Variants in CERT1 observed in about 807,000 individuals in gnomAD.
CERT1 encodes ceramide transporter 1.
Under a neutral mutation model 87.9 loss-of-function variants are expected in CERT1, and 31 were observed. That is an observed-to-expected ratio of 0.35 (90% confidence interval 0.27 to 0.48). The LOEUF (loss-of-function observed/expected upper bound fraction) is 0.48. CERT1 is among the 20% of genes least tolerant of loss of function. CERT1 has a pLI of 0.99. For synonymous variants in CERT1, 289 were observed against 250.9 expected, an observed-to-expected ratio of 1.15 and a Z score of -1.44; for missense variants, 487 against 758.0, an observed-to-expected ratio of 0.64 and a Z score of 4.20.
chr5:75,436,591 G>C (rs1451891198), intron 3 of CERT1, among the ~76,000 whole-genome samples: 3 of 152,040 alleles, frequency 2.0e-5, no homozygotes, highest in East Asian at 3.9e-4. Context: ...CTCTGTAACA[G>C]ATGAAAATAT....
upstream of CERT1, chr5:75,511,797 A>G (rs1768025929): frequency 1.3e-6 from 2 of 1,551,486 alleles, no homozygotes; most frequent in African/African-American, 1.4e-5. Context: ...GAAAAGCAGG[A>G]GGAGCGGAGA....
intron 3 of CERT1, among the ~76,000 whole-genome samples, chr5:75,434,791 T>G (rs1373859223): frequency 6.6e-6 from 1 of 152,150 alleles, no homozygotes; most frequent in East Asian, 1.9e-4. Flanking sequence ...CAGAGGTTTT[T>G]AATCTCTGAG....
chr5:75,474,667 A>G (rs1765878227), intron 2 of CERT1, among the ~76,000 whole-genome samples: 1 of 152,118 alleles, frequency 6.6e-6, no homozygotes, highest in African/African-American at 2.4e-5. Flanking sequence ...TCGTGTTAGG[A>G]AAACTGGATA....
chr5:75,383,963 CTTAAA>C (rs1030818259), intron 14 of CERT1, among the ~76,000 whole-genome samples: 13 of 152,130 alleles, frequency 8.5e-5, no homozygotes, highest in African/African-American at 1.4e-4. Context: ...AGGGAGCTAA[CTTAAA>C]TTATGTTTCT....
chr5:75,497,106 G>C (rs1368422521), intron 2 of CERT1, among the ~76,000 whole-genome samples: 3 of 152,108 alleles, frequency 2.0e-5, no homozygotes, highest in Non-Finnish European at 2.9e-5. Context: ...TTTTAGGTTG[G>C]TAAATAGAAC....
At chr5:75,371,791 G>C (rs1761093684) in intron 17 of CERT1, 1 of 152,104 alleles carries the variant, frequency 6.6e-6, no homozygotes, top group Non-Finnish European at 1.5e-5. Flanking sequence ...CTTTTAGTTT[G>C]GGGGAAGACA....
At chr5:75,379,522 C>T (rs1214489543) in intron 16 of CERT1, 49 bp from the exon 17 acceptor site, 1 of 1,534,574 alleles carries the variant, frequency 6.5e-7, no homozygotes, top group Non-Finnish European at 8.9e-7. Context: ...ATTCTCCAAA[C>T]ATATGTGAAG....
At chr5:75,430,073 C>A (rs960861803) in intron 3 of CERT1, among the ~76,000 whole-genome samples, 3 of 151,582 alleles carry the variant, frequency 2.0e-5, no homozygotes, top group Non-Finnish European at 4.4e-5. Flanking sequence ...GAATCTGTAA[C>A]CAAAGTAACA....
In CERT1 at chr5:75,379,395, A is replaced by T; in HGVS notation, c.1826T>A (p.Phe609Tyr). ...AGTTTTTTCTTGGACGTAAGAAGTAAAACGTTTTAGAAATTTAGGATACTC... is the reference window on the plus strand; with the variant it reads ...AGTTTTTTCTTGGACGTAAGAAGTATAACGTTTTAGAAATTTAGGATACTC... The part of the protein sequence containing the change: ...KREYPKFLKR[F>Y]TSYVQEKTAG... The change falls in exon 17 of 17, where the codon TTT (phenylalanine) becomes TAT (tyrosine). Residue 609 changes from phenylalanine (F) to tyrosine (Y), a missense_variant. By Grantham distance (22) the Phe-to-Tyr change is conservative (BLOSUM62 3). This residue lies in a region of CERT1 where 33 missense variants were observed against 64.4 expected (regional missense o/e 0.51). Transcript: ENST00000643780. The T allele has an allele frequency of 6.2e-7, 1 of 1,613,938 alleles. No homozygotes were observed. The highest frequency in any genetic ancestry group is 8.5e-7 in the Non-Finnish European group (1 of 1,179,854).
At chr5:75,395,073 T>G (rs1266469897) in intron 11 of CERT1, among the ~76,000 whole-genome samples, 1 of 152,010 alleles carries the variant, frequency 6.6e-6, no homozygotes, top group Non-Finnish European at 1.5e-5. Context: ...GGACAAAGGG[T>G]GGGAAAGAGC....
intron 2 of CERT1, among the ~76,000 whole-genome samples, chr5:75,472,234 T>C (rs1177531368): frequency 3.3e-5 from 5 of 152,140 alleles, no homozygotes; most frequent in African/African-American, 1.2e-4. Flanking sequence ...TGCAGAAGAA[T>C]GAAATTAAAT....
intron 8 of CERT1, among the ~76,000 whole-genome samples, chr5:75,404,230 T>C (rs1762613692): frequency 6.6e-6 from 1 of 151,200 alleles, no homozygotes; most frequent in Non-Finnish European, 1.5e-5. Flanking sequence ...ATAAGAAATG[T>C]TGACTTAATG....
At chr5:75,398,382 T>C (rs867847634) in intron 11 of CERT1, among the ~76,000 whole-genome samples, 4 of 152,332 alleles carry the variant, frequency 2.6e-5, no homozygotes, top group Middle Eastern at 3.4e-3. Flanking sequence ...GTAACATTTA[T>C]TGAGCACTTA....
chr5:75,446,980 TAAG>T (rs1764567969), intron 3 of CERT1, among the ~76,000 whole-genome samples: 3 of 152,344 alleles, frequency 2.0e-5, no homozygotes, highest in African/African-American at 7.2e-5. Context: ...ACCTCTGTGA[TAAG>T]AAGCCATAAC....
chr5:75,440,778 A>T (rs1454429550), intron 3 of CERT1, among the ~76,000 whole-genome samples: 1 of 152,044 alleles, frequency 6.6e-6, no homozygotes, highest in Non-Finnish European at 1.5e-5. Flanking sequence ...TCCAAAGTAA[A>T]AAAAAATGCC....
intron 2 of CERT1, among the ~76,000 whole-genome samples, chr5:75,499,353 A>C (rs974709767): frequency 6.6e-6 from 1 of 152,312 alleles, no homozygotes; most frequent in Admixed American, 6.5e-5. Flanking sequence ...CCCAAATCTC[A>C]TCTTGAATTG....
Position 75,511,475 on chromosome 5 carries a change from G to A in CERT1, c.-268C>T, listed in dbSNP as rs934873582. ...CCGCCGTCGCCGTGACCCCTGCGTT[G>A]CGCCCGGCGCTGCCACCCGAACTTA... On this transcript the variant is annotated 5_prime_UTR_variant, in exon 1 of 17. Coordinates refer to ENST00000643780, the MANE Select transcript of CERT1 (RefSeq NM_001379029.1). 4.6e-6 allele frequency: 7 copies of A among 1,508,384 alleles called. No individual in the cohort carries two copies. In the African/African-American group the frequency reaches 9.8e-5, roughly 21 times the overall value. 93.4% of individuals were successfully genotyped at this position (1,508,384 alleles called of 1,614,324 possible). A position where few individuals can be genotyped will look rare whatever the true frequency, so the allele number is the denominator to read the frequency against.
At chr5:75,441,778 G>A (rs564384457) in intron 3 of CERT1, among the ~76,000 whole-genome samples, 1 of 152,256 alleles carries the variant, frequency 6.6e-6, no homozygotes, top group African/African-American at 2.4e-5. Flanking sequence ...TCCATTGAAT[G>A]GATATACCAC....
intron 2 of CERT1, among the ~76,000 whole-genome samples, chr5:75,479,621 ACT>A (rs1206407063): frequency 6.6e-6 from 1 of 151,432 alleles, no homozygotes; most frequent in Non-Finnish European, 1.5e-5. Flanking sequence ...ACGTGATCTC[ACT>A]CTTTTTTATG....
Sources: gnomAD v4.1 joint callset for allele counts (sites outside exome capture counted in the v4.1 genomes callset) on GRCh38, gnomAD v4.1.1 for gene constraint, gnomAD v4.1.1 regional missense constraint, MANE v1.5 for transcripts, NCBI Gene and HGNC (gene_info 2026-07-23, HGNC 2026-07-21) for gene names.